RTN1: variants seen among roughly 807,000 people sequenced by gnomAD.
RTN1 encodes reticulon 1.
In RTN1, 25 loss-of-function variants were observed where a neutral mutation model predicts 65.5. The ratio of observed to expected loss-of-function variants is 0.38; its 90% CI spans 0.28 to 0.53. RTN1 has a LOEUF of 0.53. Among genes scored for constraint, RTN1 ranks in the 20% least tolerant of loss-of-function variants. The probability of loss-of-function intolerance (pLI) is 0.79; values close to 1 mark genes in which losing one functional copy is unlikely to be tolerated. For synonymous variants in RTN1, 471 were observed against 447.6 expected, an observed-to-expected ratio of 1.05 and a Z score of -0.66; for missense variants, 983 against 1,025.4, an observed-to-expected ratio of 0.96 and a Z score of 0.57.
chr14:59,697,776 G>A (rs573383570), intron 3 of RTN1, among the ~76,000 whole-genome samples: 15 of 152,184 alleles, frequency 9.9e-5, no homozygotes, highest in Non-Finnish European at 2.2e-4. Flanking sequence ...ACAGCGTGAT[G>A]TGGCTGACAA....
chr14:59,778,585 C>T (rs1886096333), intron 1 of RTN1, among the ~76,000 whole-genome samples: 1 of 152,142 alleles, frequency 6.6e-6, no homozygotes, highest in African/African-American at 2.4e-5. Context: ...GCCTCTTAGT[C>T]TATTTGAGTG....
intron 3 of RTN1, among the ~76,000 whole-genome samples, chr14:59,691,542 C>A (rs535982917): frequency 6.6e-6 from 1 of 152,106 alleles, no homozygotes; most frequent in Admixed American, 6.5e-5. Flanking sequence ...GAAACTATTC[C>A]AAAACATCGA....
intron 3 of RTN1, among the ~76,000 whole-genome samples, chr14:59,667,506 C>T (rs1485185780): frequency 1.3e-5 from 2 of 152,122 alleles, no homozygotes; most frequent in Non-Finnish European, 2.9e-5. Context: ...CAATATCTTA[C>T]TGAATGGGCA....
intron 1 of RTN1, among the ~76,000 whole-genome samples, chr14:59,760,693 C>A (rs1014742460): frequency 1.3e-5 from 2 of 152,172 alleles, no homozygotes; most frequent in East Asian, 3.8e-4. Flanking sequence ...CTCTTCTTCA[C>A]GTTTTGTTTT....
Position 59,634,016 on chromosome 14 carries a change from C to T in RTN1, c.1766-26524G>A, listed in dbSNP as rs746854229. 9.2e-5 allele frequency among the ~76,000 whole-genome samples: 14 copies of T among 152,054 alleles called. 1 individual carries two copies. Among genetic ancestry groups the T allele is most frequent in the Admixed American group, 3.3e-4 (5 of 15,268 alleles). ...CATAAAGCAGAGTTCCTACTTTATA[C>T]GCTGGTGTTTATGTGTGGGCAAATA... On this transcript the variant is annotated intron_variant, in intron 3 of 8. Coordinates refer to ENST00000267484, the MANE Select transcript of RTN1 (RefSeq NM_021136.3).
At chr14:59,670,118 C>T (rs1883471385) in intron 3 of RTN1, among the ~76,000 whole-genome samples, 1 of 152,200 alleles carries the variant, frequency 6.6e-6, no homozygotes, top group African/African-American at 2.4e-5. Flanking sequence ...AATAAATCAT[C>T]ATAGAAGGGA....
At chr14:59,666,697 A>C (rs1883383104) in intron 3 of RTN1, among the ~76,000 whole-genome samples, 1 of 152,016 alleles carries the variant, frequency 6.6e-6, no homozygotes, top group Non-Finnish European at 1.5e-5. Flanking sequence ...GACCGCTAGC[A>C]AGACTAATAA....
chr14:59,608,891 G>C (rs1018981412), intron 3 of RTN1, among the ~76,000 whole-genome samples: 5 of 151,754 alleles, frequency 3.3e-5, no homozygotes, highest in African/African-American at 1.2e-4. Context: ...CTACAAATAG[G>C]TTTCCAGAGG....
intron 3 of RTN1, among the ~76,000 whole-genome samples, chr14:59,683,191 C>T (rs141469395): frequency 9.0e-4 from 137 of 152,126 alleles, no homozygotes; most frequent in African/African-American, 3.3e-3. Flanking sequence ...CTGAAAAATA[C>T]GTTAATTAAT....
intron 1 of RTN1, among the ~76,000 whole-genome samples, chr14:59,860,361 A>C (rs1284218382): frequency 6.6e-6 from 1 of 152,200 alleles, no homozygotes. Flanking sequence ...AGAAATCAAG[A>C]ATTGAGGTTT....
intron 1 of RTN1, among the ~76,000 whole-genome samples, chr14:59,756,832 C>A (rs1474262061): frequency 4.2e-4 from 46 of 110,318 alleles, no homozygotes; most frequent in Non-Finnish European, 4.5e-4. Flanking sequence ...CTCCATAATT[C>A]TTTTTTTTGT....
At position 59,849,339 on chromosome 14, in the gene RTN1, A is replaced by G. The variant is rs577245015; in HGVS notation, c.241+21051T>C. ...CTACTCCCTGTTCCCCAAAGTATAG[A>G]GTACATTTTCATATTTGAGCATGGT... On this transcript the variant is annotated intron_variant, in intron 1 of 8. Coordinates refer to ENST00000267484, the MANE Select transcript of RTN1 (RefSeq NM_021136.3). The surrounding 1 kb of genome is among the most constrained non-coding windows in gnomAD (Gnocchi z 4.5). Among the ~76,000 whole-genome samples the G allele has an allele frequency of 6.6e-6, 1 of 152,318 alleles. No homozygotes were observed. Among genetic ancestry groups the G allele is most frequent in the South Asian group, 2.1e-4 (1 of 4,824 alleles).
At chr14:59,777,781 G>A (rs192994892) in intron 1 of RTN1, among the ~76,000 whole-genome samples, 21 of 148,704 alleles carry the variant, frequency 1.4e-4, no homozygotes, top group Non-Finnish European at 2.2e-4. Context: ...AATCAAAAAC[G>A]GAAGCAAGTC....
intron 1 of RTN1, among the ~76,000 whole-genome samples, chr14:59,772,989 T>A (rs956076533): frequency 3.9e-5 from 6 of 152,044 alleles, no homozygotes; most frequent in African/African-American, 1.4e-4. Flanking sequence ...TTAGATGAGG[T>A]TCAAATTATG....
intron 3 of RTN1, among the ~76,000 whole-genome samples, chr14:59,625,860 G>T (rs1481653899): frequency 6.6e-6 from 1 of 151,928 alleles, no homozygotes; most frequent in Non-Finnish European, 1.5e-5. Context: ...TTTTTCAATG[G>T]AGTGATTGAT....
At position 59,738,006 on chromosome 14, in the gene RTN1, C is replaced by A. The variant is rs1885035279; in HGVS notation, c.1015+7702G>T. Among the ~76,000 whole-genome samples, 3 of 152,194 alleles carry A rather than the reference C, an allele frequency of 2.0e-5. No homozygotes were observed. In the South Asian group the frequency reaches 6.2e-4, roughly 32 times the overall value. On this transcript the variant is annotated intron_variant, in intron 2 of 8. Coordinates refer to ENST00000267484, the MANE Select transcript of RTN1 (RefSeq NM_021136.3). Reference sequence around the variant, plus strand: ...CCCTTCCTTACACATGTACAAAAATCAACTAAAGATGGATTAAAGACTTAA... The same window carrying A: ...CCCTTCCTTACACATGTACAAAAATAAACTAAAGATGGATTAAAGACTTAA...
rs376935582 is a variant in RTN1, at chr14:59,864,841, C to A, written c.241+5549G>T. ...TTCTACCCACCCCCAATTTTTAAAT[C>A]GGGACAAAAATAATTTTAATAAACA... On this transcript the variant is annotated intron_variant, in intron 1 of 8. Coordinates refer to ENST00000267484, the MANE Select transcript of RTN1 (RefSeq NM_021136.3). 1.2e-4 allele frequency among the ~76,000 whole-genome samples: 18 copies of A among 152,148 alleles called. No homozygotes were observed. In the East Asian group the frequency reaches 3.5e-3, roughly 29 times the overall value.
rs1201138558 is a variant in RTN1, at chr14:59,794,776, A to G, written c.242-48295T>C. Among the ~76,000 whole-genome samples the G allele has an allele frequency of 6.8e-6, 1 of 147,448 alleles. No individual in the cohort carries two copies. The highest frequency in any genetic ancestry group is 6.7e-5 in the Admixed American group (1 of 14,906). On this transcript the variant is annotated intron_variant, in intron 1 of 8. Coordinates refer to ENST00000267484, the MANE Select transcript of RTN1 (RefSeq NM_021136.3). The surrounding 1 kb of genome is among the most constrained non-coding windows in gnomAD (Gnocchi z 5.1). ...TTTCAGGGAACAATTCAGAAGTAGC[A>G]TACATCACTTGTAGTCATAGTCTAT...
At position 59,825,752 on chromosome 14, in the gene RTN1, C is replaced by T. The variant is rs1887020586; in HGVS notation, c.241+44638G>A. Reference sequence around the variant, plus strand: ...TTCCTCAGTGCCCCATCTTACTCTCCATTTTAGAGAAAATAAAACATAGAC... The same window carrying T: ...TTCCTCAGTGCCCCATCTTACTCTCTATTTTAGAGAAAATAAAACATAGAC... On this transcript the variant is annotated intron_variant, in intron 1 of 8. Coordinates refer to ENST00000267484, the MANE Select transcript of RTN1 (RefSeq NM_021136.3). This position sits in a 1 kb window ranked among gnomAD's most constrained non-coding sequence, Gnocchi z 4.2. 1.3e-5 allele frequency among the ~76,000 whole-genome samples: 2 copies of T among 152,208 alleles called. No individual in the cohort carries two copies. The highest frequency in any genetic ancestry group is 1.3e-4 in the Admixed American group (2 of 15,280).
Sources: allele counts gnomAD v4.1 joint callset (sites outside exome capture counted in the v4.1 genomes callset), GRCh38; gene constraint gnomAD v4.1.1; non-coding constraint Gnocchi (gnomAD v3.1); transcripts MANE v1.5; gene names NCBI Gene and HGNC (gene_info 2026-07-23, HGNC 2026-07-21).